Variants in NEGR1 observed in about 807,000 individuals in gnomAD.
The protein encoded by NEGR1 is neuronal growth regulator 1.
A neutral mutation model predicts 40.9 loss-of-function variants in NEGR1; 10 were observed. The observed-to-expected ratio is 0.24, with a 90% CI of 0.15 to 0.42. The LOEUF is 0.42. Ranked by LOEUF, NEGR1 falls within the 10% of genes least tolerant of loss-of-function variation. The probability of loss-of-function intolerance (pLI) is 1.00; values close to 1 mark genes in which losing one functional copy is unlikely to be tolerated. For missense variants in NEGR1, 352 were observed against 438.9 expected, an observed-to-expected ratio of 0.80 and a Z score of 1.77; for synonymous variants, 185 against 166.8, an observed-to-expected ratio of 1.11 and a Z score of -0.84.
At chr1:71,430,770 G>C (rs1375448339) in intron 6 of NEGR1, among the ~76,000 whole-genome samples, 26 of 133,354 alleles carry the variant, frequency 1.9e-4, no homozygotes, top group African/African-American at 7.2e-4. Flanking sequence ...GCAGTGGCGC[G>C]ATCTCGGCTC....
chr1:71,693,435 A>C (rs1343415805), intron 4 of NEGR1, among the ~76,000 whole-genome samples: 1 of 151,726 alleles, frequency 6.6e-6, no homozygotes, highest in Non-Finnish European at 1.5e-5. Flanking sequence ...TCTAAGTAAC[A>C]GGAACACATC....
intron 3 of NEGR1, among the ~76,000 whole-genome samples, chr1:71,718,157 T>C (rs1654339873): frequency 6.6e-6 from 1 of 152,212 alleles, no homozygotes; most frequent in Admixed American, 6.5e-5. Flanking sequence ...TATTTGTCCC[T>C]GTCCTAATCT....
intron 3 of NEGR1, among the ~76,000 whole-genome samples, chr1:71,706,162 C>A (rs1057123633): frequency 6.6e-6 from 1 of 152,210 alleles, no homozygotes; most frequent in South Asian, 2.1e-4. Context: ...CACAGAGCAT[C>A]TTTGGACGCT....
chr1:71,632,154 A>T (rs1650989723), intron 4 of NEGR1, among the ~76,000 whole-genome samples: 1 of 151,734 alleles, frequency 6.6e-6, no homozygotes, highest in Admixed American at 6.6e-5. Flanking sequence ...ATTGGCAGAG[A>T]ACTGTAAATA....
Position 71,698,150 on chromosome 1 carries a change from G to T in NEGR1, c.536-11C>A. On this transcript the variant is annotated splice_polypyrimidine_tract_variant and intron_variant, in intron 3 of 6. Transcript: ENST00000357731. ...TTTCAAATGGTTTTGCTATAAAAAAGAATACAGCATGTTTAATTGTAGCCG... is the reference window on the plus strand; with the variant it reads ...TTTCAAATGGTTTTGCTATAAAAAATAATACAGCATGTTTAATTGTAGCCG... The T allele has an allele frequency of 1.2e-6, 2 of 1,608,000 alleles. No individual in the cohort carries two copies. Among genetic ancestry groups the T allele is most frequent in the Non-Finnish European group, 1.7e-6 (2 of 1,176,518 alleles).
chr1:71,555,687 T>A (rs1482953076), intron 6 of NEGR1, among the ~76,000 whole-genome samples: 1 of 151,600 alleles, frequency 6.6e-6, no homozygotes, highest in Admixed American at 6.6e-5. Flanking sequence ...TCAGCAAAGA[T>A]CCACTGAAAG....
chr1:71,770,951 G>A (rs1656295829), intron 3 of NEGR1, among the ~76,000 whole-genome samples: 1 of 152,094 alleles, frequency 6.6e-6, no homozygotes, highest in Middle Eastern at 3.2e-3. Flanking sequence ...TCATTACTGG[G>A]TATATACCCA....
chr1:71,863,019 C>G (rs1489947594), intron 2 of NEGR1, among the ~76,000 whole-genome samples: 2 of 152,104 alleles, frequency 1.3e-5, no homozygotes, highest in African/African-American at 4.8e-5. Flanking sequence ...ATTAATTCAA[C>G]CATTGTAGAA....
intron 2 of NEGR1, among the ~76,000 whole-genome samples, chr1:71,894,919 CA>C (rs1203053446): frequency 2.0e-5 from 3 of 151,484 alleles, no homozygotes; most frequent in African/African-American, 7.3e-5. Context: ...ACTCCATCTC[CA>C]AATTTTTTTT....
At chr1:71,719,045 G>A (rs1163952966) in intron 3 of NEGR1, among the ~76,000 whole-genome samples, 1 of 152,212 alleles carries the variant, frequency 6.6e-6, no homozygotes, top group Non-Finnish European at 1.5e-5. Context: ...GAGTTATAAG[G>A]TGTTATGGAA....
chr1:71,977,336 A>G (rs974447205), intron 1 of NEGR1, among the ~76,000 whole-genome samples: 8 of 152,154 alleles, frequency 5.3e-5, no homozygotes, highest in Non-Finnish European at 1.0e-4. Context: ...AAAAAAAACA[A>G]AACAAAACAA....
intron 1 of NEGR1, among the ~76,000 whole-genome samples, chr1:72,156,845 G>A (rs1030515828): frequency 4.6e-5 from 7 of 152,034 alleles, no homozygotes; most frequent in Admixed American, 1.3e-4. Flanking sequence ...ATATAAGAAA[G>A]AAATTATCTA....
intron 1 of NEGR1, among the ~76,000 whole-genome samples, chr1:72,000,400 G>A (rs1646547013): frequency 6.6e-6 from 1 of 151,884 alleles, no homozygotes; most frequent in East Asian, 1.9e-4. Context: ...TTTTACAAAT[G>A]AGGAAATAGA....
chr1:72,212,860 T>C (rs1193301772), intron 1 of NEGR1, among the ~76,000 whole-genome samples: 1 of 150,998 alleles, frequency 6.6e-6, no homozygotes, highest in African/African-American at 2.4e-5. Context: ...GATGTAAAAA[T>C]GCAAAAAAAA....
At chr1:71,609,661 C>T (rs1163230366) in intron 5 of NEGR1, among the ~76,000 whole-genome samples, 2 of 148,202 alleles carry the variant, frequency 1.3e-5, no homozygotes, top group Admixed American at 1.4e-4. Flanking sequence ...GAAAAAAATA[C>T]CTGCTTGCAT....
chr1:71,985,711 C>T (rs1386572869), intron 1 of NEGR1, among the ~76,000 whole-genome samples: 2 of 152,122 alleles, frequency 1.3e-5, no homozygotes, highest in Admixed American at 1.3e-4. Context: ...TAGAGTAATG[C>T]ACAGATAAGA....
At chr1:71,992,654 T>C (rs1646465900) in intron 1 of NEGR1, among the ~76,000 whole-genome samples, 1 of 152,186 alleles carries the variant, frequency 6.6e-6, no homozygotes, top group South Asian at 2.1e-4. Flanking sequence ...TATAGTACAG[T>C]TCAATTCAGA....
chr1:71,460,879 C>T (rs778544615), intron 6 of NEGR1, among the ~76,000 whole-genome samples: 7 of 151,852 alleles, frequency 4.6e-5, no homozygotes, highest in Admixed American at 2.6e-4. Context: ...AATATATTAA[C>T]GATAAAAATA....
At chr1:71,685,541 T>C (rs1240041994) in intron 4 of NEGR1, among the ~76,000 whole-genome samples, 3 of 152,120 alleles carry the variant, frequency 2.0e-5, no homozygotes, top group Non-Finnish European at 4.4e-5. Context: ...AGCCTGCTCT[T>C]GAACTCCTGA....
Sources: allele counts gnomAD v4.1 joint callset (sites outside exome capture counted in the v4.1 genomes callset), GRCh38; gene constraint gnomAD v4.1.1; transcripts MANE v1.5; gene names NCBI Gene and HGNC (gene_info 2026-07-23, HGNC 2026-07-21).